Variants in ERMARD observed in about 807,000 individuals in gnomAD.
ERMARD encodes ER membrane associated RNA degradation.
ERMARD carries 71 observed loss-of-function variants against 83.9 expected under a neutral mutation model. The ratio of observed to expected loss-of-function variants is 0.85; its 90% CI spans 0.70 to 1.03. The LOEUF (loss-of-function observed/expected upper bound fraction) is 1.03. ERMARD is among the 50% of genes least tolerant of loss of function. The pLI is 0.00. For synonymous variants in ERMARD, 284 were observed against 298.6 expected (o/e 0.95, Z 0.50); for missense variants, 838 against 810.9 (o/e 1.03, Z -0.41).
Position 169,755,538 on chromosome 6 carries a change from G to A in ERMARD, c.315+116G>A, listed in dbSNP as rs17860633. On this transcript the variant is annotated intron_variant, in intron 3 of 17. Coordinates refer to ENST00000366773, the MANE Select transcript of ERMARD (RefSeq NM_018341.3). ...CATCCCCAGGCCCTCCAGCGGTGAAGTGTTGAGGGTTGTAAGAGAACCCTG... is the reference window on the plus strand; with the variant it reads ...CATCCCCAGGCCCTCCAGCGGTGAAATGTTGAGGGTTGTAAGAGAACCCTG... 46,483 of 1,337,400 alleles carry A rather than the reference G, an allele frequency of 0.035. 2,113 individuals are homozygous for A. Among genetic ancestry groups the A allele is most frequent in the East Asian group, 0.15 (6,426 of 41,946 alleles). 82.8% of individuals were successfully genotyped at this position (1,337,400 alleles called of 1,614,324 possible).
chr6:169,762,199 C>G lies in ERMARD; in HGVS notation c.858-230C>G, dbSNP rs1791637880. Among the ~76,000 whole-genome samples the G allele has an allele frequency of 2.0e-5, 3 of 152,160 alleles. No homozygotes were observed. The South Asian group carries it at 6.2e-4, about 32-fold the overall frequency. On this transcript the variant is annotated intron_variant, in intron 8 of 17. Coordinates refer to ENST00000366773, the MANE Select transcript of ERMARD (RefSeq NM_018341.3). ...CTCCTGGGTTCAAGCAATCCTCCCG[C>G]CTCAGCCTCCTGTGTAGCTAGGACT...
chr6:169,759,624 G>A (rs1469641334), intron 6 of ERMARD, among the ~76,000 whole-genome samples: 1 of 152,136 alleles, frequency 6.6e-6, no homozygotes, highest in Non-Finnish European at 1.5e-5. Context: ...ATTTCACCTT[G>A]TTGCCCACAC....
intron 5 of ERMARD, 75 bp downstream of exon 5, chr6:169,756,883 AG>A: frequency 2.3e-6 from 3 of 1,327,416 alleles, no homozygotes; most frequent in Non-Finnish European, 3.2e-6. Context: ...ACCCAAGACT[AG>A]GAAGAGAAAG....
chr6:169,775,234 T>G, intron 13 of ERMARD, 36 bp from the exon 14 acceptor site: 1 of 1,603,950 alleles, frequency 6.2e-7, no homozygotes, highest in Non-Finnish European at 8.5e-7. Context: ...GAAGTTACTG[T>G]GAAATCTACA....
At chr6:169,776,795 T>G in intron 16 of ERMARD, 122 bp downstream of exon 16, 14 of 1,139,080 alleles carry the variant, frequency 1.2e-5, no homozygotes, top group Non-Finnish European at 1.8e-5. Context: ...TCGACAGGTG[T>G]TGATATACTT....
chr6:169,779,393 TC>T (rs1562355485), intron 17 of ERMARD, 98 bp downstream of exon 17: 8 of 1,054,780 alleles, frequency 7.6e-6, no homozygotes, highest in African/African-American at 1.6e-5. Context: ...AGTGACACTA[TC>T]CCCTTGGTGG....
chr6:169,766,209 G>A (rs561160337), intron 9 of ERMARD, among the ~76,000 whole-genome samples: 1 of 152,236 alleles, frequency 6.6e-6, no homozygotes, highest in Non-Finnish European at 1.5e-5. Flanking sequence ...TCTGTAGGCC[G>A]TGCCGATGAT....
intron 9 of ERMARD, among the ~76,000 whole-genome samples, chr6:169,763,151 T>C (rs887820045): frequency 6.6e-6 from 1 of 152,234 alleles, no homozygotes; most frequent in African/African-American, 2.4e-5. Context: ...TTTCTGCTCC[T>C]TTTTAGTAGT....
chr6:169,777,987 C>T (rs1371845816), intron 16 of ERMARD, among the ~76,000 whole-genome samples: 1 of 152,210 alleles, frequency 6.6e-6, no homozygotes. Flanking sequence ...CCCGGCTGCT[C>T]TGGGTACAAG....
At chr6:169,758,613 GC>G (rs1219060725) in intron 5 of ERMARD, among the ~76,000 whole-genome samples, 2 of 152,172 alleles carry the variant, frequency 1.3e-5, no homozygotes, top group Non-Finnish European at 2.9e-5. Context: ...CACATTTGAA[GC>G]AACTTTATTA....
rs1193095636 is a variant in ERMARD, at chr6:169,755,353, C to T, written c.246C>T (p.Phe82=). The T allele has an allele frequency of 1.2e-6, 2 of 1,614,202 alleles. No homozygotes were observed. The highest frequency in any genetic ancestry group is 2.2e-5 in the East Asian group (1 of 44,878). ...GPVCEAVHSH[F]LSLTKGQFEI... ...TGTGTGAGGCTGTCCATTCACATTTCTTATCTCTGACCAAGGGGCAATTTG... is the reference window on the plus strand; with the variant it reads ...TGTGTGAGGCTGTCCATTCACATTTTTTATCTCTGACCAAGGGGCAATTTG... Residue 82 remains phenylalanine, a synonymous_variant, in exon 3 of 18, where the codon TTC becomes TTT. Transcript: ENST00000366773.
chr6:169,773,875 G>A (rs886891179), intron 13 of ERMARD, among the ~76,000 whole-genome samples: 2 of 152,160 alleles, frequency 1.3e-5, no homozygotes, highest in African/African-American at 4.8e-5. Context: ...TTCTACATAC[G>A]GGAGGATACA....
intron 4 of ERMARD, 105 bp downstream of exon 4, chr6:169,756,544 A>G: frequency 4.9e-6 from 5 of 1,017,666 alleles, no homozygotes; most frequent in Non-Finnish European, 7.2e-6. Flanking sequence ...CCTATAAGAT[A>G]AAATCATTTA....
chr6:169,766,204 A>C (rs1792185281), intron 9 of ERMARD, among the ~76,000 whole-genome samples: 1 of 152,252 alleles, frequency 6.6e-6, no homozygotes, highest in Non-Finnish European at 1.5e-5. Context: ...ACATGTCTGT[A>C]GGCCGTGCCG....
At chr6:169,777,114 G>T (rs140359652) in intron 16 of ERMARD, among the ~76,000 whole-genome samples, 1 of 152,152 alleles carries the variant, frequency 6.6e-6, no homozygotes, top group Non-Finnish European at 1.5e-5. Flanking sequence ...TGAGCCTTTC[G>T]GTGAATACAC....
chr6:169,753,758 C>A, intron 1 of ERMARD, 106 bp from the exon 2 acceptor site: 2 of 737,590 alleles, frequency 2.7e-6, no homozygotes, highest in Non-Finnish European at 4.0e-6. Flanking sequence ...ATGTTAACAG[C>A]AACTATACCT....
Position 169,769,770 on chromosome 6 carries a change from T to C in ERMARD, c.1233+57T>C, listed in dbSNP as rs150048189. On this transcript the variant is annotated intron_variant, in intron 12 of 17. Transcript: ENST00000366773. ...ATTAACTCATTCAGCTATGAAAATA[T>C]AGTTTATTTTTCAAATGTAATTAAC... 3.1e-4 allele frequency: 447 copies of C among 1,433,666 alleles called. 2 individuals carry two copies. In the African/African-American group the frequency reaches 5.9e-3, roughly 19 times the overall value. 88.8% of individuals were successfully genotyped at this position (1,433,666 alleles called of 1,614,324 possible).
chr6:169,778,838 G>A (rs965661989), intron 16 of ERMARD, among the ~76,000 whole-genome samples: 2 of 152,374 alleles, frequency 1.3e-5, no homozygotes, highest in African/African-American at 4.8e-5. Flanking sequence ...AGATGTCAGA[G>A]GGCAGCGAGC....
chr6:169,752,642 A>G (rs1326615095), intron 1 of ERMARD, among the ~76,000 whole-genome samples: 1 of 152,250 alleles, frequency 6.6e-6, no homozygotes, highest in Non-Finnish European at 1.5e-5. Context: ...TTTCCACATT[A>G]GGAAGCTGCC....
Sources: gnomAD v4.1 joint callset for allele counts (sites outside exome capture counted in the v4.1 genomes callset) on GRCh38, gnomAD v4.1.1 for gene constraint, MANE v1.5 for transcripts, NCBI Gene and HGNC (gene_info 2026-07-23, HGNC 2026-07-21) for gene names.